Variants in STRN3 observed in about 807,000 individuals in gnomAD.
The protein encoded by STRN3 is striatin 3, also known as striatin-3.
A neutral mutation model predicts 95.6 loss-of-function variants in STRN3; 29 were observed. The observed-to-expected ratio is 0.30, with a 90% CI of 0.23 to 0.41. The LOEUF (loss-of-function observed/expected upper bound fraction) is 0.41. STRN3 is among the 10% of genes least tolerant of loss of function. The probability of loss-of-function intolerance (pLI) is 1.00; values close to 1 mark genes in which losing one functional copy is unlikely to be tolerated. For missense variants in STRN3, 890 were observed against 972.1 expected (o/e 0.92, Z 1.12); for synonymous variants, 331 against 357.6 (o/e 0.93, Z 0.84).
Position 30,894,882 on chromosome 14 carries a change from A to ATT in STRN3, c.*527_*528dup. 1 of 869,696 alleles carries ATT rather than the reference A, an allele frequency of 1.1e-6. No individual in the cohort carries two copies. Among genetic ancestry groups the ATT allele is most frequent in the Non-Finnish European group, 1.5e-6 (1 of 671,812 alleles). The allele number at this position is 869,696 out of a possible 1,614,324, so 53.9% of individuals were successfully genotyped here. ...CTAATGCTAAAATATTTTAAGTTAA[A>ATT]TTTTCTTTTTCTTTTTTTTTTTTTT... On this transcript the variant is annotated 3_prime_UTR_variant, in exon 18 of 18. Transcript: ENST00000357479.
intron 1 of STRN3, among the ~76,000 whole-genome samples, chr14:30,984,552 C>A (rs924934613): frequency 6.6e-6 from 1 of 151,514 alleles, no homozygotes; most frequent in Non-Finnish European, 1.5e-5. Context: ...GGCTGAGGTG[C>A]GCAGATCACG....
chr14:30,958,210 G>C (rs1459315955), intron 1 of STRN3, among the ~76,000 whole-genome samples: 2 of 152,156 alleles, frequency 1.3e-5, no homozygotes, highest in African/African-American at 4.8e-5. Context: ...CTACTTGGCA[G>C]GCTGAAGCAG....
At chr14:30,898,807 T>C (rs1341577522) in intron 16 of STRN3, among the ~76,000 whole-genome samples, 1 of 152,236 alleles carries the variant, frequency 6.6e-6, no homozygotes, top group African/African-American at 2.4e-5. Flanking sequence ...CCACTGCACA[T>C]GCCCATTCTC....
chr14:30,923,007 G>A (rs1335433946), intron 8 of STRN3, among the ~76,000 whole-genome samples: 2 of 152,146 alleles, frequency 1.3e-5, no homozygotes, highest in Non-Finnish European at 2.9e-5. Context: ...ATGCCTAGTT[G>A]AAAATAACAT....
chr14:30,987,845 C>T (rs1881771984), intron 1 of STRN3, among the ~76,000 whole-genome samples: 1 of 151,716 alleles, frequency 6.6e-6, no homozygotes, highest in African/African-American at 2.4e-5. Context: ...TCAAGCAATT[C>T]TCCTGCCTCA....
At chr14:30,938,710 T>C (rs1228422307) in intron 5 of STRN3, among the ~76,000 whole-genome samples, 1 of 152,108 alleles carries the variant, frequency 6.6e-6, no homozygotes, top group Non-Finnish European at 1.5e-5. Flanking sequence ...GAAAAAATAT[T>C]TGCAAGTTAT....
intron 1 of STRN3, among the ~76,000 whole-genome samples, chr14:30,994,392 C>G (rs1882105294): frequency 6.6e-6 from 1 of 152,156 alleles, no homozygotes; most frequent in Admixed American, 6.5e-5. Context: ...GAGTTATACA[C>G]AGACTTTTTA....
chr14:30,952,613 T>C (rs1294435803), intron 3 of STRN3, among the ~76,000 whole-genome samples: 2 of 151,970 alleles, frequency 1.3e-5, no homozygotes, highest in African/African-American at 4.8e-5. Context: ...GGTGGGAGGA[T>C]TGCATGAGCC....
At chr14:31,015,076 G>A (rs908094224) in intron 1 of STRN3, among the ~76,000 whole-genome samples, 4 of 152,238 alleles carry the variant, frequency 2.6e-5, no homozygotes, top group Admixed American at 6.5e-5. Flanking sequence ...TGATCCGCCC[G>A]CCTTGGCCTC....
At chr14:30,976,597 T>A (rs1346224240) in intron 1 of STRN3, among the ~76,000 whole-genome samples, 2 of 152,202 alleles carry the variant, frequency 1.3e-5, no homozygotes, top group African/African-American at 4.8e-5. Context: ...ACATGGAATG[T>A]TCATCAAGAA....
intron 1 of STRN3, among the ~76,000 whole-genome samples, chr14:31,017,573 G>A (rs1883301814): frequency 6.6e-6 from 1 of 152,014 alleles, no homozygotes; most frequent in Admixed American, 6.6e-5. Context: ...TCATTGTATT[G>A]AGGGACTTGA....
At chr14:31,013,821 C>T (rs553801838) in intron 1 of STRN3, among the ~76,000 whole-genome samples, 1 of 150,070 alleles carries the variant, frequency 6.7e-6, no homozygotes, top group South Asian at 2.1e-4. Context: ...TCTCGAACTC[C>T]TGGCCTCAAC....
At chr14:31,020,845 A>G (rs1392032167) in intron 1 of STRN3, among the ~76,000 whole-genome samples, 1 of 152,108 alleles carries the variant, frequency 6.6e-6, no homozygotes, top group Non-Finnish European at 1.5e-5. Context: ...GCCTGAGGCT[A>G]CAGTAAGCCA....
rs71430903 is a variant in STRN3, at chr14:30,917,554, TAA to T, written c.1240+1410_1240+1411del. Among the ~76,000 whole-genome samples the T allele has an allele frequency of 8.7e-4, 121 of 139,654 alleles. 1 individual carries two copies. Among genetic ancestry groups the T allele is most frequent in the African/African-American group, 2.4e-3 (91 of 38,060 alleles). 91.6% of individuals were successfully genotyped at this position (139,654 alleles called of 152,430 possible). A position where few individuals can be genotyped will look rare whatever the true frequency, so the allele number is the denominator to read the frequency against. On this transcript the variant is annotated intron_variant, in intron 9 of 17. Coordinates refer to ENST00000357479, the MANE Select transcript of STRN3 (RefSeq NM_001083893.2). Reference sequence around the variant, plus strand: ...AAAATCACCACTAAATGCATAAAATTAAAAAAAAAAAAAGGAGTTGCTATGTG... The same window carrying T: ...AAAATCACCACTAAATGCATAAAATTAAAAAAAAAAAGGAGTTGCTATGTG...
At chr14:30,914,898 T>A (rs984862652) in intron 9 of STRN3, among the ~76,000 whole-genome samples, 1 of 152,220 alleles carries the variant, frequency 6.6e-6, no homozygotes, top group African/African-American at 2.4e-5. Flanking sequence ...CGTTTTCCTT[T>A]CTATACATAC....
chr14:30,963,207 A>G (rs1880298991), intron 1 of STRN3, among the ~76,000 whole-genome samples: 1 of 152,192 alleles, frequency 6.6e-6, no homozygotes, highest in African/African-American at 2.4e-5. Flanking sequence ...GTAGTTGGAG[A>G]TTCAATACCC....
chr14:31,016,475 A>G (rs1396571901), intron 1 of STRN3, among the ~76,000 whole-genome samples: 4 of 152,148 alleles, frequency 2.6e-5, no homozygotes, highest in Non-Finnish European at 4.4e-5. Context: ...AACCCTCTGT[A>G]TCCAAGGGTT....
At chr14:30,956,104 T>C (rs1329875005) in intron 2 of STRN3, 35 bp downstream of exon 2, 1 of 1,570,186 alleles carries the variant, frequency 6.4e-7, no homozygotes, top group South Asian at 1.1e-5. Flanking sequence ...ACTATTGTTC[T>C]ACTTTATTCA....
intron 8 of STRN3, among the ~76,000 whole-genome samples, chr14:30,925,895 C>G (rs926351967): frequency 2.0e-5 from 3 of 151,770 alleles, no homozygotes; most frequent in African/African-American, 7.3e-5. Context: ...AGGAGAACAT[C>G]AGAATAATAA....
Sources: gnomAD v4.1 joint callset for allele counts (sites outside exome capture counted in the v4.1 genomes callset) on GRCh38, gnomAD v4.1.1 for gene constraint, MANE v1.5 for transcripts, NCBI Gene and HGNC (gene_info 2026-07-23, HGNC 2026-07-21) for gene names.